Variants in PPP1R16B observed in about 807,000 individuals in gnomAD.
PPP1R16B encodes the protein protein phosphatase 1 regulatory inhibitor subunit 16B.
PPP1R16B carries 14 observed loss-of-function variants against 61.7 expected under a neutral mutation model. That is an observed-to-expected ratio of 0.23 (90% CI 0.15 to 0.35). The LOEUF (loss-of-function observed/expected upper bound fraction) is 0.35. Among genes scored for constraint, PPP1R16B ranks in the 10% least tolerant of loss-of-function variants. The pLI is 1.00. For missense variants in PPP1R16B, 547 were observed against 752.5 expected, an observed-to-expected ratio of 0.73 and a Z score of 3.19; for synonymous variants, 266 against 305.3, an observed-to-expected ratio of 0.87 and a Z score of 1.34.
chr20:38,889,792 G>A (rs1309376112), intron 3 of PPP1R16B, 127 bp downstream of exon 3: 3 of 977,724 alleles, frequency 3.1e-6, no homozygotes, highest in Admixed American at 3.7e-5. Flanking sequence ...AGGAGCTGCA[G>A]CTGGCCCATC....
intron 1 of PPP1R16B, among the ~76,000 whole-genome samples, chr20:38,823,974 A>G (rs1400955207): frequency 6.6e-6 from 1 of 152,078 alleles, no homozygotes; most frequent in African/African-American, 2.4e-5. Context: ...AACTAATGGC[A>G]TAGAGACTGA....
chr20:38,833,762 G>A (rs2084852208), intron 1 of PPP1R16B, among the ~76,000 whole-genome samples: 1 of 152,178 alleles, frequency 6.6e-6, no homozygotes, highest in Non-Finnish European at 1.5e-5. Context: ...TTTGGGCATT[G>A]CCAAGCCAAC....
chr20:38,806,034 C>A lies in PPP1R16B; in HGVS notation c.-102+242C>A, dbSNP rs551171091. ...GGGCGTTCTCCCCGGCCTCGCAATTCCTTGACGAGGCCAGGGGAGGGGGCG... is the reference window on the plus strand; with the variant it reads ...GGGCGTTCTCCCCGGCCTCGCAATTACTTGACGAGGCCAGGGGAGGGGGCG... On this transcript the variant is annotated intron_variant, in intron 1 of 10. Coordinates refer to ENST00000299824, the MANE Select transcript of PPP1R16B (RefSeq NM_015568.4). This position sits in a 1 kb window ranked among gnomAD's most constrained non-coding sequence, Gnocchi z 4.5. 4.9e-4 allele frequency among the ~76,000 whole-genome samples: 74 copies of A among 151,234 alleles called. No individual in the cohort carries two copies. Among genetic ancestry groups the A allele is most frequent in the African/African-American group, 1.6e-3 (65 of 41,184 alleles).
At position 38,921,494 on chromosome 20, in the gene PPP1R16B, C is replaced by T. The variant is rs555252573; in HGVS notation, c.*2828C>T. The stretch of plus-strand genomic sequence containing the variant: ...GCAAAGTGTCTGCATCTTCGTCCAG[C>T]GACCCTTTGCTTTTCGGCTCCTAGA... On this transcript the variant is annotated 3_prime_UTR_variant, in exon 11 of 11. Coordinates refer to ENST00000299824, the MANE Select transcript of PPP1R16B (RefSeq NM_015568.4). 6.6e-5 allele frequency: 10 copies of T among 152,310 alleles called. No individual in the cohort carries two copies. The East Asian group carries it at 1.4e-3, about 21-fold the overall frequency. 9.4% of individuals were successfully genotyped at this position (152,310 alleles called of 1,614,324 possible).
At chr20:38,827,557 C>T (rs1173429071) in intron 1 of PPP1R16B, among the ~76,000 whole-genome samples, 1 of 152,176 alleles carries the variant, frequency 6.6e-6, no homozygotes, top group African/African-American at 2.4e-5. Context: ...ATTGGAGTTA[C>T]GGAGTTGACC....
chr20:38,824,101 A>G (rs1305294347), intron 1 of PPP1R16B, among the ~76,000 whole-genome samples: 1 of 152,202 alleles, frequency 6.6e-6, no homozygotes, highest in Non-Finnish European at 1.5e-5. Flanking sequence ...CCTCTCTGAA[A>G]TGGGAACAAT....
At chr20:38,827,522 T>G (rs77170256) in intron 1 of PPP1R16B, among the ~76,000 whole-genome samples, 11,397 of 152,242 alleles carry the variant, frequency 0.075, 445 homozygotes, top group Admixed American at 0.11. Flanking sequence ...GTCAGAGATC[T>G]GAATGAAGGA....
intron 1 of PPP1R16B, among the ~76,000 whole-genome samples, chr20:38,824,173 G>A (rs2084789772): frequency 1.3e-5 from 2 of 152,210 alleles, no homozygotes; most frequent in Admixed American, 1.3e-4. Flanking sequence ...AACTTGGCAG[G>A]TGGAAGGTAT....
At chr20:38,849,238 T>C (rs2084952570) in intron 2 of PPP1R16B, among the ~76,000 whole-genome samples, 2 of 152,152 alleles carry the variant, frequency 1.3e-5, no homozygotes, top group Non-Finnish European at 2.9e-5. Flanking sequence ...GTCTTGGTTT[T>C]TCAGTGAGTT....
intron 2 of PPP1R16B, among the ~76,000 whole-genome samples, chr20:38,868,274 CCT>C (rs1277078529): frequency 1.3e-5 from 2 of 152,196 alleles, no homozygotes; most frequent in Non-Finnish European, 2.9e-5. Context: ...ATGGCCCACC[CCT>C]GTGAGCTAAG....
At chr20:38,888,085 A>G (rs2085260026) in intron 2 of PPP1R16B, among the ~76,000 whole-genome samples, 2 of 152,106 alleles carry the variant, frequency 1.3e-5, no homozygotes, top group Non-Finnish European at 2.9e-5. Context: ...CTCACTTCTA[A>G]TTTGTTTCCC....
intron 4 of PPP1R16B, among the ~76,000 whole-genome samples, chr20:38,898,339 G>A (rs1293933406): frequency 2.6e-5 from 4 of 152,082 alleles, no homozygotes; most frequent in Admixed American, 2.6e-4. Context: ...TATTTTATTG[G>A]TCTATATGTT....
intron 2 of PPP1R16B, among the ~76,000 whole-genome samples, chr20:38,882,916 T>C (rs7345055): frequency 0.016 from 2,461 of 152,112 alleles, 50 homozygotes; most frequent in East Asian, 0.065. Flanking sequence ...CGGTTTTTGT[T>C]TTGTTTTGTT....
At chr20:38,820,628 G>A (rs767601258) in intron 1 of PPP1R16B, among the ~76,000 whole-genome samples, 2 of 151,920 alleles carry the variant, frequency 1.3e-5, no homozygotes, top group African/African-American at 2.4e-5. Context: ...GGACATGCCC[G>A]TGTTTAATTT....
intron 10 of PPP1R16B, among the ~76,000 whole-genome samples, chr20:38,911,534 C>CTT (rs753313466): frequency 7.8e-4 from 111 of 142,474 alleles, no homozygotes; most frequent in African/African-American, 2.7e-3. Context: ...ATCCATGCTC[C>CTT]TTTTTTTTTT....
intron 10 of PPP1R16B, among the ~76,000 whole-genome samples, chr20:38,914,368 C>T (rs560777173): frequency 1.3e-5 from 2 of 151,990 alleles, no homozygotes; most frequent in African/African-American, 4.8e-5. Context: ...CAGCCATTCC[C>T]CAGAACACAA....
At position 38,805,800 on chromosome 20, in the gene PPP1R16B, C is replaced by G. The variant is rs1360251785; in HGVS notation, c.-102+8C>G. 6.6e-6 allele frequency: 1 copy of G among 152,276 alleles called. No homozygotes were observed. The allele number at this position is 152,276 out of a possible 1,614,324, so 9.4% of individuals were successfully genotyped here. On this transcript the variant is annotated splice_region_variant and intron_variant, in intron 1 of 10. Coordinates refer to ENST00000299824, the MANE Select transcript of PPP1R16B (RefSeq NM_015568.4). ...CAGGGCTCGGGAGAGCGGGTGAGTTCCCCGGCGGCGCCACCACCCTCCTTG... is the reference window on the plus strand; with the variant it reads ...CAGGGCTCGGGAGAGCGGGTGAGTTGCCCGGCGGCGCCACCACCCTCCTTG...
At chr20:38,870,474 A>G (rs1398201721) in intron 2 of PPP1R16B, among the ~76,000 whole-genome samples, 1 of 152,128 alleles carries the variant, frequency 6.6e-6, no homozygotes, top group Non-Finnish European at 1.5e-5. Flanking sequence ...GGTCCCTCTG[A>G]GGAGGTGACA....
chr20:38,816,563 C>G (rs770601540), intron 1 of PPP1R16B, among the ~76,000 whole-genome samples: 1 of 152,176 alleles, frequency 6.6e-6, no homozygotes, highest in Non-Finnish European at 1.5e-5. Context: ...ATCATCTGGT[C>G]GACCCACCTG....
Sources: allele counts gnomAD v4.1 joint callset (sites outside exome capture counted in the v4.1 genomes callset), GRCh38; gene constraint gnomAD v4.1.1; non-coding constraint Gnocchi (gnomAD v3.1); transcripts MANE v1.5; gene names NCBI Gene and HGNC (gene_info 2026-07-23, HGNC 2026-07-21).